ACACA: variants seen among roughly 807,000 people sequenced by gnomAD.
ACACA encodes the protein acetyl-CoA carboxylase alpha.
A neutral mutation model predicts 296.1 loss-of-function variants in ACACA; 103 were observed. The observed-to-expected ratio is 0.35, with a 90% CI of 0.30 to 0.41. The LOEUF is 0.41. Among genes scored for constraint, ACACA ranks in the 10% least tolerant of loss-of-function variants. The pLI is 1.00. For missense variants in ACACA, 1,554 were observed against 2,989.7 expected (o/e 0.52, Z 11.20); for synonymous variants, 953 against 1,038.6 (o/e 0.92, Z 1.58).
chr17:37,279,954 G>T (rs2082438504), intron 5 of ACACA, among the ~76,000 whole-genome samples: 1 of 151,888 alleles, frequency 6.6e-6, no homozygotes, highest in Non-Finnish European at 1.5e-5. Flanking sequence ...CTTATCAATG[G>T]AAGTACAGAT....
At chr17:37,325,361 A>C (rs1467764447) in intron 3 of ACACA, among the ~76,000 whole-genome samples, 1 of 150,150 alleles carries the variant, frequency 6.7e-6, no homozygotes, top group Non-Finnish European at 1.5e-5. Context: ...AGTGAAACTC[A>C]GTCTCAAAAA....
intron 29 of ACACA, among the ~76,000 whole-genome samples, chr17:37,219,194 A>G (rs2079168047): frequency 6.6e-6 from 1 of 152,236 alleles, no homozygotes; most frequent in Admixed American, 6.5e-5. Flanking sequence ...CCCTGATTTT[A>G]AAATACTCTG....
At chr17:37,224,580 C>G (rs895742168) in intron 27 of ACACA, among the ~76,000 whole-genome samples, 34 of 151,930 alleles carry the variant, frequency 2.2e-4, no homozygotes, top group African/African-American at 7.5e-4. Context: ...ATAGCTTTGT[C>G]TCCAGAAGAG....
chr17:37,247,232 AAC>A (rs1269410911), intron 18 of ACACA, among the ~76,000 whole-genome samples: 2 of 152,222 alleles, frequency 1.3e-5, no homozygotes, highest in African/African-American at 4.8e-5. Context: ...CATTTAAAAA[AAC>A]ACACACAAAG....
At chr17:37,232,428 A>G (rs2079903936) in intron 25 of ACACA, among the ~76,000 whole-genome samples, 1 of 152,222 alleles carries the variant, frequency 6.6e-6, no homozygotes, top group Admixed American at 6.5e-5. Context: ...GATCCGAGGA[A>G]AGAATAATCC....
intron 1 of ACACA, chr17:37,379,475 A>AAATG: frequency 7.0e-7 from 1 of 1,431,552 alleles, no homozygotes; most frequent in Non-Finnish European, 9.4e-7. Context: ...AGCTACAAGA[A>AAATG]AATGAATTAT....
At chr17:37,215,677 TACAG>T (rs113712800) in intron 29 of ACACA, among the ~76,000 whole-genome samples, 2,652 of 152,144 alleles carry the variant, frequency 0.017, 81 homozygotes, top group African/African-American at 0.061. Flanking sequence ...TTGTGCAAAA[TACAG>T]ACATTCAGGA....
rs17848784 is a variant in ACACA, at chr17:37,122,670, A to G, written c.6042-43T>C. 1,803 of 1,512,930 alleles carry G rather than the reference A, an allele frequency of 1.2e-3. 34 individuals are homozygous for G. The East Asian group carries it at 0.036, about 30-fold the overall frequency. The allele number at this position is 1,512,930 out of a possible 1,614,324, so 93.7% of individuals were successfully genotyped here. On this transcript the variant is annotated intron_variant, in intron 48 of 55. Transcript: ENST00000616317. The stretch of plus-strand genomic sequence containing the variant: ...ACATAAGAACCCAATGTATGTCAAC[A>G]TTATAGCTAGCCATTTGTTTTCCAA...
Position 37,297,695 on chromosome 17 carries a change from T to C in ACACA, c.339-12725A>G, listed in dbSNP as rs147739041. Among the ~76,000 whole-genome samples, 765 of 151,692 alleles carry C rather than the reference T, an allele frequency of 5.0e-3. 2 individuals are homozygous for C. Among genetic ancestry groups the C allele is most frequent in the Non-Finnish European group, 8.3e-3 (565 of 67,922 alleles). Reference sequence around the variant, plus strand: ...CCTCCCAAGTAGATGAGACTACAGGTGCCTGCCACCACGCCCAGCTAATTT... The same window carrying C: ...CCTCCCAAGTAGATGAGACTACAGGCGCCTGCCACCACGCCCAGCTAATTT... On this transcript the variant is annotated intron_variant, in intron 3 of 55. Transcript: ENST00000616317.
intron 41 of ACACA, among the ~76,000 whole-genome samples, chr17:37,174,013 TATA>T (rs2077005519): frequency 2.9e-3 from 55 of 19,180 alleles, no homozygotes; most frequent in East Asian, 5.9e-3. Context: ...TATATATATA[TATA>T]TATATTTTTT....
Position 37,087,212 on chromosome 17 carries a change from A to T in ACACA, c.*104T>A. ...AGGAAGTAAAATGCCATTTGACTCC[A>T]GTGCTGGGTCTCCTGTGCCTTCTCA... On this transcript the variant is annotated 3_prime_UTR_variant, in exon 56 of 56. Coordinates refer to ENST00000616317, the MANE Select transcript of ACACA (RefSeq NM_198834.3). 1 of 1,512,964 alleles carries T rather than the reference A, an allele frequency of 6.6e-7. No homozygotes were observed. The highest frequency in any genetic ancestry group is 9.2e-7 in the Non-Finnish European group (1 of 1,092,754). The allele number at this position is 1,512,964 out of a possible 1,614,324, so 93.7% of individuals were successfully genotyped here. A position where few individuals can be genotyped will look rare whatever the true frequency, so the allele number is the denominator to read the frequency against.
chr17:37,232,090 G>T (rs888840598), intron 25 of ACACA, among the ~76,000 whole-genome samples: 2 of 152,166 alleles, frequency 1.3e-5, no homozygotes, highest in Non-Finnish European at 2.9e-5. Context: ...CATGAGGCAA[G>T]TTACCACTGG....
At chr17:37,156,239 ATTTTTAGT>A (rs2076245773) in intron 42 of ACACA, among the ~76,000 whole-genome samples, 1 of 150,644 alleles carries the variant, frequency 6.6e-6, no homozygotes, top group Admixed American at 6.6e-5. Flanking sequence ...AATTTTTTGT[ATTTTTAGT>A]AGCGACAGGG....
chr17:37,160,488 GT>G (rs1411772988), intron 42 of ACACA, among the ~76,000 whole-genome samples: 1 of 152,184 alleles, frequency 6.6e-6, no homozygotes, highest in Admixed American at 6.5e-5. Flanking sequence ...GGAGAGGGAA[GT>G]GCGTGTTACA....
chr17:37,175,534 C>T (rs568780625), intron 41 of ACACA, among the ~76,000 whole-genome samples: 1 of 152,312 alleles, frequency 6.6e-6, no homozygotes, highest in African/African-American at 2.4e-5. Context: ...GGCTCAACAG[C>T]ACACATTCAT....
rs1186645201 is a variant in ACACA, at chr17:37,161,810, C to T, written c.5320G>A (p.Ala1774Thr). The change falls in exon 42 of 56, where the codon GCC becomes ACC. Residue 1774 changes from alanine to threonine, a missense_variant. Ala to Thr is a moderately conservative substitution (Grantham distance 58). This residue lies in a region of ACACA where 553 missense variants were observed against 1,043.6 expected (regional missense o/e 0.53). Coordinates refer to ENST00000616317, the MANE Select transcript of ACACA (RefSeq NM_198834.3). ...TAAGGATCCTCAGGATCTACCCAGG[C>T]CACATGAAACATATGGCGAATTTCT... ...AEEIRHMFHV[A>T]WVDPEDPYKG... The T allele has an allele frequency of 1.2e-6, 2 of 1,613,128 alleles. No homozygotes were observed. Among genetic ancestry groups the T allele is most frequent in the Non-Finnish European group, 1.7e-6 (2 of 1,179,982 alleles).
intron 8 of ACACA, among the ~76,000 whole-genome samples, chr17:37,275,237 C>T (rs1383000523): frequency 6.6e-6 from 1 of 152,052 alleles, no homozygotes; most frequent in Non-Finnish European, 1.5e-5. Flanking sequence ...GTGGCTCATG[C>T]CTGTAATCCC....
chr17:37,217,551 C>T (rs892068759), intron 29 of ACACA, among the ~76,000 whole-genome samples: 1 of 151,518 alleles, frequency 6.6e-6, no homozygotes, highest in African/African-American at 2.4e-5. Context: ...CTGGCTAACA[C>T]GGTGAAACCC....
chr17:37,372,594 G>A (rs2049849744), intron 1 of ACACA, among the ~76,000 whole-genome samples: 1 of 152,050 alleles, frequency 6.6e-6, no homozygotes, highest in Admixed American at 6.6e-5. Context: ...AGGCCTCCTG[G>A]CTTCCTGTCA....
Sources: gnomAD v4.1 joint callset for allele counts (sites outside exome capture counted in the v4.1 genomes callset) on GRCh38, gnomAD v4.1.1 for gene constraint, gnomAD v4.1.1 regional missense constraint, MANE v1.5 for transcripts, NCBI Gene and HGNC (gene_info 2026-07-23, HGNC 2026-07-21) for gene names.